HPRT1: variants seen among roughly 807,000 people sequenced by gnomAD.
HPRT1 encodes hypoxanthine phosphoribosyltransferase 1.
In HPRT1, 4 loss-of-function variants were observed where a neutral mutation model predicts 19.0. That is an observed-to-expected ratio of 0.21 (90% CI 0.10 to 0.48). The LOEUF is 0.48. Ranked by LOEUF, HPRT1 falls within the 20% of genes least tolerant of loss-of-function variation. The pLI is 0.98. For synonymous variants in HPRT1, 53 were observed against 54.9 expected (o/e 0.97, Z 0.15); for missense variants, 65 against 164.0 (o/e 0.40, Z 3.30).
At chrX:134,496,749 A>C (rs950996561) in intron 6 of HPRT1, among the ~76,000 whole-genome samples, 1 of 111,495 alleles carries the variant, frequency 9.0e-6, no homozygotes, top group Non-Finnish European at 1.9e-5. Flanking sequence ...GAGTTAAAAA[A>C]CCAGGATAAC....
At chrX:134,469,343 A>T (rs764887447) in intron 1 of HPRT1, among the ~76,000 whole-genome samples, 1 of 111,608 alleles carries the variant, frequency 9.0e-6, no homozygotes, top group South Asian at 3.7e-4. Flanking sequence ...TGCTTAAAGT[A>T]AACCATAAAT....
intron 6 of HPRT1, among the ~76,000 whole-genome samples, chrX:134,494,164 T>A (rs779860132): frequency 8.9e-6 from 1 of 112,435 alleles, no homozygotes; most frequent in South Asian, 3.7e-4. Flanking sequence ...ATAAGGTTAC[T>A]GAGGCATAGG....
intron 1 of HPRT1, among the ~76,000 whole-genome samples, chrX:134,464,534 A>G (rs2077592051): frequency 8.9e-6 from 1 of 111,943 alleles, no homozygotes; most frequent in African/African-American, 3.2e-5. Context: ...TGGTTTATCT[A>G]TTGTTATACC....
intron 3 of HPRT1, among the ~76,000 whole-genome samples, chrX:134,484,574 A>G (rs1329424772): frequency 1.8e-5 from 2 of 112,399 alleles, no homozygotes; most frequent in Admixed American, 1.9e-4. Flanking sequence ...GAAAAGTCTC[A>G]TAAACGCCAT....
At chrX:134,466,424 G>GGA (rs1294859920) in intron 1 of HPRT1, among the ~76,000 whole-genome samples, 2 of 61,693 alleles carry the variant, frequency 3.2e-5, no homozygotes, top group East Asian at 1.0e-3. Flanking sequence ...TCTCAAAAAA[G>GGA]AAAAAAAAAA....
At chrX:134,466,497 A>G (rs1438380155) in intron 1 of HPRT1, among the ~76,000 whole-genome samples, 2 of 110,337 alleles carry the variant, frequency 1.8e-5, no homozygotes, top group South Asian at 7.8e-4. Context: ...GAAGACCTTC[A>G]AGCCAAAGAA....
intron 1 of HPRT1, among the ~76,000 whole-genome samples, chrX:134,464,479 C>T (rs1418236261): frequency 2.7e-5 from 3 of 111,634 alleles, no homozygotes; most frequent in African/African-American, 9.8e-5. Context: ...CTGCCCATTC[C>T]AGAAGTTTGG....
intron 1 of HPRT1, among the ~76,000 whole-genome samples, 162 bp from the exon 2 acceptor site, chrX:134,473,179 CCCGCCCGGCCTGTTGTTT>C (rs2077615089): frequency 8.9e-6 from 1 of 112,252 alleles, no homozygotes; most frequent in Admixed American, 9.5e-5. Flanking sequence ...TGTGAACCAA[CCCGCCCGGCCTGTTGTTT>C]TCTTACATAA....
At chrX:134,480,873 A>G (rs2077637696) in intron 3 of HPRT1, among the ~76,000 whole-genome samples, 2 of 105,056 alleles carry the variant, frequency 1.9e-5, no homozygotes, top group African/African-American at 6.9e-5. Flanking sequence ...TTTAGTGTTG[A>G]TCTTGATAGT....
At chrX:134,483,845 A>G (rs185408857) in intron 3 of HPRT1, among the ~76,000 whole-genome samples, 19 of 111,934 alleles carry the variant, frequency 1.7e-4, no homozygotes, top group African/African-American at 6.2e-4. Context: ...ATTAGCTTCC[A>G]TGGTGGCTAT....
intron 8 of HPRT1, among the ~76,000 whole-genome samples, chrX:134,499,339 C>T (rs925959311): frequency 7.3e-5 from 8 of 110,203 alleles, no homozygotes; most frequent in Non-Finnish European, 1.5e-4. Context: ...ATTAGCCAGG[C>T]GTAGTGGTGT....
At chrX:134,467,041 CTT>C (rs779817345) in intron 1 of HPRT1, among the ~76,000 whole-genome samples, 10 of 60,993 alleles carry the variant, frequency 1.6e-4, no homozygotes, top group African/African-American at 2.9e-4. Flanking sequence ...AGATTTTAAG[CTT>C]TTTTTTTTTT....
At position 134,460,275 on chromosome X, in the gene HPRT1, T is replaced by C; in HGVS notation, c.-37T>C. The C allele has an allele frequency of 8.0e-6, 9 of 1,123,269 alleles. No homozygotes were observed. The highest frequency in any genetic ancestry group is 1.1e-5 in the Non-Finnish European group (9 of 853,961). The allele number at this position is 1,123,269 out of a possible 1,213,427, so 92.6% of individuals were successfully genotyped here. ...CTCTGCTCCGCCACCGGCTTCCTCC[T>C]CCTGAGCAGTCAGCCCGCGCGCCGG... On this transcript the variant is annotated 5_prime_UTR_variant, in exon 1 of 9. Coordinates refer to ENST00000298556, the MANE Select transcript of HPRT1 (RefSeq NM_000194.3).
intron 3 of HPRT1, among the ~76,000 whole-genome samples, chrX:134,476,537 A>G (rs1343973771): frequency 8.9e-6 from 1 of 111,948 alleles, no homozygotes; most frequent in Non-Finnish European, 1.9e-5. Flanking sequence ...TGCTGGCAGT[A>G]TAACTGGCCA....
chrX:134,460,249 C>T lies in HPRT1; in HGVS notation c.-63C>T. On this transcript the variant is annotated 5_prime_UTR_variant, in exon 1 of 9. Coordinates refer to ENST00000298556, the MANE Select transcript of HPRT1 (RefSeq NM_000194.3). ...GCCTCTTGCTGCGCCTCCGCCTCCTCCTCTGCTCCGCCACCGGCTTCCTCC... is the reference window on the plus strand; with the variant it reads ...GCCTCTTGCTGCGCCTCCGCCTCCTTCTCTGCTCCGCCACCGGCTTCCTCC... The T allele has an allele frequency of 3.6e-6, 4 of 1,100,418 alleles. No homozygotes were observed. In the South Asian group the frequency reaches 7.9e-5, roughly 22 times the overall value. The allele number at this position is 1,100,418 out of a possible 1,213,427, so 90.7% of individuals were successfully genotyped here.
intron 6 of HPRT1, among the ~76,000 whole-genome samples, chrX:134,496,612 A>T (rs2077680920): frequency 1.8e-5 from 2 of 112,131 alleles, no homozygotes; most frequent in Admixed American, 1.9e-4. Flanking sequence ...CTAAATGGAA[A>T]TAGAATTGAA....
At chrX:134,463,037 G>T (rs960041859) in intron 1 of HPRT1, among the ~76,000 whole-genome samples, 4 of 111,850 alleles carry the variant, frequency 3.6e-5, no homozygotes, top group African/African-American at 1.3e-4. Flanking sequence ...TGTTTTAGGC[G>T]TTGAAGTAAA....
intron 4 of HPRT1, among the ~76,000 whole-genome samples, chrX:134,487,865 C>G (rs1053548382): frequency 4.5e-5 from 5 of 111,387 alleles, no homozygotes; most frequent in Non-Finnish European, 9.4e-5. Flanking sequence ...GCTGTTGAAG[C>G]CATTACTTGT....
At chrX:134,481,525 A>G (rs764196376) in intron 3 of HPRT1, among the ~76,000 whole-genome samples, 2 of 107,882 alleles carry the variant, frequency 1.9e-5, no homozygotes, top group South Asian at 8.2e-4. Flanking sequence ...CTATCTATCT[A>G]TCTATCTATC....
Sources: allele counts gnomAD v4.1 joint callset (sites outside exome capture counted in the v4.1 genomes callset), GRCh38; gene constraint gnomAD v4.1.1; transcripts MANE v1.5; gene names NCBI Gene and HGNC (gene_info 2026-07-23, HGNC 2026-07-21).